Variants in SRBD1 observed in about 807,000 individuals in gnomAD.
SRBD1 encodes S1 RNA binding domain 1, also known as S1 RNA-binding domain-containing protein 1.
Under a neutral mutation model 115.3 loss-of-function variants are expected in SRBD1, and 88 were observed. The observed-to-expected ratio is 0.76, with a 90% CI of 0.64 to 0.91. SRBD1 has a LOEUF of 0.91. Ranked by LOEUF, SRBD1 falls within the 40% of genes least tolerant of loss-of-function variation. The pLI is 0.00. For synonymous variants in SRBD1, 509 were observed against 407.7 expected, an observed-to-expected ratio of 1.25 and a Z score of -2.99; for missense variants, 1,385 against 1,177.4, an observed-to-expected ratio of 1.18 and a Z score of -2.58.
intron 15 of SRBD1, among the ~76,000 whole-genome samples, chr2:45,487,729 A>C (rs563092038): frequency 2.6e-5 from 4 of 152,260 alleles, no homozygotes; most frequent in African/African-American, 7.2e-5. Flanking sequence ...ATCTTGGCTC[A>C]CTAGAACCTC....
chr2:45,392,837 G>A, intron 20 of SRBD1, 108 bp downstream of exon 20: 1 of 997,626 alleles, frequency 1.0e-6, no homozygotes, highest in Non-Finnish European at 1.4e-6. Flanking sequence ...GTATAAAATG[G>A]GAGAATAATA....
intron 14 of SRBD1, among the ~76,000 whole-genome samples, chr2:45,503,647 T>G (rs1199880420): frequency 9.9e-5 from 15 of 152,222 alleles, no homozygotes. Context: ...AGACGGCAGC[T>G]AAAGTTCAAA....
At chr2:45,513,456 C>A (rs1051990120) in intron 14 of SRBD1, among the ~76,000 whole-genome samples, 1 of 150,052 alleles carries the variant, frequency 6.7e-6, no homozygotes, top group Admixed American at 6.6e-5. Context: ...TAATAAAATA[C>A]TTCGTTTCAG....
chr2:45,389,140 TG>T lies in SRBD1; in HGVS notation c.*169del. 1.3e-6 allele frequency: 1 copy of T among 772,942 alleles called. No homozygotes were observed. The highest frequency in any genetic ancestry group is 2.0e-6 in the Non-Finnish European group (1 of 498,102). 47.9% of individuals were successfully genotyped at this position (772,942 alleles called of 1,614,324 possible). ...TTAAGGGAAAAGGAAATCAAACTGT[TG>T]GTTTTCTATTTATTCAGAAGAAAAA... On this transcript the variant is annotated 3_prime_UTR_variant, in exon 21 of 21. Coordinates refer to ENST00000263736, the MANE Select transcript of SRBD1 (RefSeq NM_018079.5).
Position 45,575,963 on chromosome 2 carries a change from CAA to C in SRBD1, c.1073-1242_1073-1241del, listed in dbSNP as rs1349479908. 5.9e-5 allele frequency among the ~76,000 whole-genome samples: 9 copies of C among 152,202 alleles called. No individual in the cohort carries two copies. In the South Asian group the frequency reaches 1.9e-3, roughly 31 times the overall value. ...AAGTGATCTGCCCCCCTCAGCCTCC[CAA>C]AGTGTTGGGATTACAGGCGTGAGCC... On this transcript the variant is annotated intron_variant, in intron 7 of 20. Transcript: ENST00000263736.
chr2:45,497,402 C>T (rs992905062), intron 14 of SRBD1, among the ~76,000 whole-genome samples: 3 of 152,162 alleles, frequency 2.0e-5, no homozygotes, highest in African/African-American at 4.8e-5. Context: ...TGTACATAAA[C>T]GGTACCAAAA....
chr2:45,555,494 T>A (rs1672445883), intron 10 of SRBD1, among the ~76,000 whole-genome samples: 1 of 147,836 alleles, frequency 6.8e-6, no homozygotes, highest in South Asian at 2.2e-4. Flanking sequence ...AACCCTTTTT[T>A]TTTTTTTTTT....
At chr2:45,544,822 ATT>A (rs1427342969) in intron 14 of SRBD1, among the ~76,000 whole-genome samples, 2 of 152,296 alleles carry the variant, frequency 1.3e-5, no homozygotes, top group East Asian at 3.9e-4. Flanking sequence ...AAAAAAACAT[ATT>A]GTTTATTAAA....
intron 14 of SRBD1, among the ~76,000 whole-genome samples, chr2:45,521,330 G>A (rs868338054): frequency 2.1e-5 from 3 of 140,134 alleles, no homozygotes; most frequent in African/African-American, 2.6e-5. Context: ...AACCAAACTC[G>A]AAAACAGGCA....
chr2:45,607,642 A>T (rs963004142), intron 1 of SRBD1, among the ~76,000 whole-genome samples: 1 of 152,168 alleles, frequency 6.6e-6, no homozygotes, highest in Non-Finnish European at 1.5e-5. Flanking sequence ...AAAAAAATTC[A>T]TATGAAGCAG....
intron 12 of SRBD1, 74 bp downstream of exon 12, chr2:45,551,051 C>A (rs1031932069): frequency 4.0e-6 from 6 of 1,494,940 alleles, no homozygotes; most frequent in Non-Finnish European, 4.5e-6. Flanking sequence ...ATTTCCAAAT[C>A]CTCATGAAAT....
At chr2:45,504,869 CAA>C (rs911324019) in intron 14 of SRBD1, among the ~76,000 whole-genome samples, 9 of 152,028 alleles carry the variant, frequency 5.9e-5, no homozygotes, top group African/African-American at 2.2e-4. Context: ...AGCCCATCCT[CAA>C]AAATCTGCAA....
chr2:45,498,194 T>C (rs186872910), intron 14 of SRBD1, among the ~76,000 whole-genome samples: 1 of 152,236 alleles, frequency 6.6e-6, no homozygotes, highest in East Asian at 1.9e-4. Context: ...CTTATTGGCC[T>C]TTTCTAACCT....
At chr2:45,579,031 A>G (rs940065724) in intron 7 of SRBD1, among the ~76,000 whole-genome samples, 4 of 152,186 alleles carry the variant, frequency 2.6e-5, no homozygotes, top group Non-Finnish European at 5.9e-5. Context: ...TTTTGAGAGT[A>G]GAGACCACCA....
At chr2:45,395,111 G>A (rs1021373179) in intron 19 of SRBD1, among the ~76,000 whole-genome samples, 4 of 152,142 alleles carry the variant, frequency 2.6e-5, no homozygotes, top group Admixed American at 2.6e-4. Context: ...TAAATAATGC[G>A]TGCCCTGCTG....
intron 16 of SRBD1, among the ~76,000 whole-genome samples, chr2:45,470,879 A>T (rs902900300): frequency 6.6e-6 from 1 of 152,234 alleles, no homozygotes; most frequent in African/African-American, 2.4e-5. Flanking sequence ...ATCTCCTAAG[A>T]CAAGGATTGG....
At chr2:45,553,869 A>G in intron 10 of SRBD1, 139 bp from the exon 11 acceptor site, 1 of 452,510 alleles carries the variant, frequency 2.2e-6, no homozygotes, top group Non-Finnish European at 4.0e-6. Flanking sequence ...CTGTGAGGAA[A>G]GGCTGTGGTA....
Position 45,431,042 on chromosome 2 carries a change from T to G in SRBD1, c.2050-11148A>C, listed in dbSNP as rs1300002603. Among the ~76,000 whole-genome samples the G allele has an allele frequency of 3.3e-5, 5 of 152,188 alleles. 1 individual carries two copies. The South Asian group carries it at 6.2e-4, about 19-fold the overall frequency. On this transcript the variant is annotated intron_variant, in intron 16 of 20. Coordinates refer to ENST00000263736, the MANE Select transcript of SRBD1 (RefSeq NM_018079.5). ...GCGGCCAACAAACATGAAAAAAAGC[T>G]CATCATCACTGGTCATTAGAGAAAC...
intron 14 of SRBD1, among the ~76,000 whole-genome samples, chr2:45,538,152 G>A (rs1290672378): frequency 6.6e-6 from 1 of 152,174 alleles, no homozygotes; most frequent in Non-Finnish European, 1.5e-5. Context: ...AACCAAAGAA[G>A]ATATCAGCTA....
Sources: allele counts gnomAD v4.1 joint callset (sites outside exome capture counted in the v4.1 genomes callset), GRCh38; gene constraint gnomAD v4.1.1; transcripts MANE v1.5; gene names NCBI Gene and HGNC (gene_info 2026-07-23, HGNC 2026-07-21).